Variants in PDGFB observed in about 807,000 individuals in gnomAD.
PDGFB encodes the protein platelet-derived growth factor subunit B.
In PDGFB, 6 loss-of-function variants were observed where a neutral mutation model predicts 29.0. The observed-to-expected ratio is 0.21, with a 90% confidence interval of 0.11 to 0.41. The LOEUF (loss-of-function observed/expected upper bound fraction) is 0.41, where lower values mean the gene tolerates loss of function less well. Ranked by LOEUF, PDGFB falls within the 10% of genes least tolerant of loss-of-function variation. The pLI, the probability that PDGFB is intolerant of heterozygous loss-of-function variation, is 1.00. For synonymous variants in PDGFB, 144 were observed against 140.8 expected (o/e 1.02, Z -0.16); for missense variants, 299 against 341.8 (o/e 0.87, Z 0.99).
intron 2 of PDGFB, among the ~76,000 whole-genome samples, chr22:39,235,237 G>C (rs1185438303): frequency 6.6e-6 from 1 of 152,188 alleles, no homozygotes; most frequent in Non-Finnish European, 1.5e-5. Flanking sequence ...GGTTAGAATA[G>C]AATGGAATTT....
chr22:39,241,866 G>A (rs1303066112), intron 1 of PDGFB, among the ~76,000 whole-genome samples: 2 of 152,152 alleles, frequency 1.3e-5, no homozygotes, highest in Non-Finnish European at 2.9e-5. Flanking sequence ...AAAAAAAGGA[G>A]TCACAGATGG....
In PDGFB at chr22:39,225,708, C is replaced by G; in HGVS notation, c.*15G>C. 6.2e-7 allele frequency: 1 copy of G among 1,612,340 alleles called. No individual in the cohort carries two copies. The highest frequency in any genetic ancestry group is 1.7e-5 in the Admixed American group (1 of 59,934). ...CCTGGCCCTCACCTGCCCACACACTCTCCTGCCGATGCCCCTAGGCTCCAA... is the reference window on the plus strand; with the variant it reads ...CCTGGCCCTCACCTGCCCACACACTGTCCTGCCGATGCCCCTAGGCTCCAA... On this transcript the variant is annotated 3_prime_UTR_variant, in exon 6 of 7. Coordinates refer to ENST00000331163, the MANE Select transcript of PDGFB (RefSeq NM_002608.4).
intron 1 of PDGFB, 46 bp from the exon 2 acceptor site, chr22:39,235,920 T>C: frequency 7.7e-7 from 1 of 1,300,648 alleles, no homozygotes; most frequent in Non-Finnish European, 1.1e-6. Context: ...GAGTGGGGGC[T>C]TTCCAGCATG....
Position 39,231,408 on chromosome 22 carries a change from C to T in PDGFB, c.456+214G>A, listed in dbSNP as rs998261621. Among the ~76,000 whole-genome samples, 3 of 152,118 alleles carry T rather than the reference C, an allele frequency of 2.0e-5. No homozygotes were observed. The highest frequency in any genetic ancestry group is 7.2e-5 in the African/African-American group (3 of 41,412). On this transcript the variant is annotated intron_variant, in intron 4 of 6. Coordinates refer to ENST00000331163, the MANE Select transcript of PDGFB (RefSeq NM_002608.4). This position sits in a 1 kb window ranked among gnomAD's most constrained non-coding sequence, Gnocchi z 4.3. ...TGGCTTTTGGCTACAGTGGCCTGAG[C>T]CACCTCAGAGGACTCATGGTCGGCC...
intron 3 of PDGFB, among the ~76,000 whole-genome samples, chr22:39,232,800 C>T (rs1001102256): frequency 6.6e-6 from 1 of 152,234 alleles, no homozygotes; most frequent in Non-Finnish European, 1.5e-5. Flanking sequence ...GGCCACCTGA[C>T]TCTTATTCAT....
At position 39,242,703 on chromosome 22, in the gene PDGFB, C is replaced by G. The variant is rs556589561; in HGVS notation, c.63+1198G>C. ...GCAGCCCAAGGCCGGGCCGCGGCCT[C>G]CGAGCCCTCCGCCTTAACCCCTTCG... On this transcript the variant is annotated intron_variant, in intron 1 of 6. Coordinates refer to ENST00000331163, the MANE Select transcript of PDGFB (RefSeq NM_002608.4). The surrounding 1 kb of genome is among the most constrained non-coding windows in gnomAD (Gnocchi z 5.7). Among the ~76,000 whole-genome samples, 9 of 152,158 alleles carry G rather than the reference C, an allele frequency of 5.9e-5. No individual in the cohort carries two copies. The East Asian group carries it at 1.7e-3, about 30-fold the overall frequency.
chr22:39,239,416 G>C (rs901846473), intron 1 of PDGFB, among the ~76,000 whole-genome samples: 4 of 152,036 alleles, frequency 2.6e-5, no homozygotes, highest in African/African-American at 9.7e-5. Flanking sequence ...GGGTGAGGGT[G>C]GGGGGACACT....
rs989370043 is a variant in PDGFB, at chr22:39,242,695, C to T, written c.63+1206G>A. On this transcript the variant is annotated intron_variant, in intron 1 of 6. Coordinates refer to ENST00000331163, the MANE Select transcript of PDGFB (RefSeq NM_002608.4). The surrounding 1 kb of genome is among the most constrained non-coding windows in gnomAD (Gnocchi z 5.7). ...CGCTGGCGGCAGCCCAAGGCCGGGCCGCGGCCTCCGAGCCCTCCGCCTTAA... is the reference window on the plus strand; with the variant it reads ...CGCTGGCGGCAGCCCAAGGCCGGGCTGCGGCCTCCGAGCCCTCCGCCTTAA... 6.6e-6 allele frequency among the ~76,000 whole-genome samples: 1 copy of T among 152,010 alleles called. No homozygotes were observed. Among genetic ancestry groups the T allele is most frequent in the African/African-American group, 2.4e-5 (1 of 41,420 alleles).
At chr22:39,234,990 C>G (rs957158503) in intron 2 of PDGFB, among the ~76,000 whole-genome samples, 1 of 152,186 alleles carries the variant, frequency 6.6e-6, no homozygotes, top group African/African-American at 2.4e-5. Flanking sequence ...CCAGCTGGGG[C>G]CCCCTCCTGC....
rs975988490 is a variant in PDGFB, at chr22:39,243,484, G to A, written c.63+417C>T. Among the ~76,000 whole-genome samples the A allele has an allele frequency of 2.0e-5, 3 of 152,174 alleles. No homozygotes were observed. The highest frequency in any genetic ancestry group is 6.5e-5 in the Admixed American group (1 of 15,284). ...CGGTGCGCAAGCTTGCACCTCCTGG[G>A]CAAGCCGATGGCAGGACAGAGCCTA... On this transcript the variant is annotated intron_variant, in intron 1 of 6. Transcript: ENST00000331163. The surrounding 1 kb of genome is among the most constrained non-coding windows in gnomAD (Gnocchi z 6.4).
intron 2 of PDGFB, 106 bp from the exon 3 acceptor site, chr22:39,233,630 G>C: frequency 1.5e-6 from 1 of 671,424 alleles, no homozygotes; most frequent in East Asian, 2.9e-5. Flanking sequence ...CCCCACTCCA[G>C]AGAACAGTCC....
chr22:39,231,685 G>A lies in PDGFB; in HGVS notation c.393C>T (p.Ser131=), dbSNP rs141017878. ...GCACGTTGCGGTTGTTGCAGCAGCC[G>A]GAGCAGCGCTGCACCTCCACACAGG... ...WPPCVEVQRC[S]GCCNNRNVQC... Residue 131 remains serine, a synonymous_variant, in exon 4 of 7, where the codon TCC becomes TCT. Transcript: ENST00000331163. The surrounding 1 kb of genome is among the most constrained non-coding windows in gnomAD (Gnocchi z 4.3). The A allele has an allele frequency of 7.1e-5, 113 of 1,601,258 alleles. 1 individual carries two copies. Among genetic ancestry groups the A allele is most frequent in the Admixed American group, 7.0e-4 (41 of 58,316 alleles).
chr22:39,243,980 G>A lies in PDGFB; in HGVS notation c.-17C>T. The A allele has an allele frequency of 7.5e-7, 1 of 1,338,862 alleles. No individual in the cohort carries two copies. The highest frequency in any genetic ancestry group is 9.9e-7 in the Non-Finnish European group (1 of 1,012,082). The allele number at this position is 1,338,862 out of a possible 1,614,324, so 82.9% of individuals were successfully genotyped here. A position where few individuals can be genotyped will look rare whatever the true frequency, so the allele number is the denominator to read the frequency against. On this transcript the variant is annotated 5_prime_UTR_variant, in exon 1 of 7. Transcript: ENST00000331163. This position sits in a 1 kb window ranked among gnomAD's most constrained non-coding sequence, Gnocchi z 6.4. ...GCGATTCATGCCGACTCCGGGCCCG[G>A]CCCCGCGGGGCCCCGGACGCGTAGA...
intron 1 of PDGFB, among the ~76,000 whole-genome samples, chr22:39,238,642 C>T (rs1480694283): frequency 6.6e-6 from 1 of 152,232 alleles, no homozygotes; most frequent in Non-Finnish European, 1.5e-5. Flanking sequence ...AGAGCTGGGT[C>T]GTTCCCAGGC....
At position 39,243,415 on chromosome 22, in the gene PDGFB, C is replaced by T. The variant is rs371575130; in HGVS notation, c.63+486G>A. ...GTCCACCCGGACCCCGACCGGGAGCCAGGGTGGGACCCGAGCCCCGTCAAA... is the reference window on the plus strand; with the variant it reads ...GTCCACCCGGACCCCGACCGGGAGCTAGGGTGGGACCCGAGCCCCGTCAAA... On this transcript the variant is annotated intron_variant, in intron 1 of 6. Transcript: ENST00000331163. The surrounding 1 kb of genome is among the most constrained non-coding windows in gnomAD (Gnocchi z 6.4). Among the ~76,000 whole-genome samples, 10 of 152,216 alleles carry T rather than the reference C, an allele frequency of 6.6e-5. No individual in the cohort carries two copies. Among genetic ancestry groups the T allele is most frequent in the East Asian group, 5.8e-4 (3 of 5,154 alleles).
At chr22:39,228,865 C>T (rs540983052) in intron 5 of PDGFB, among the ~76,000 whole-genome samples, 2 of 140,326 alleles carry the variant, frequency 1.4e-5, no homozygotes, top group Admixed American at 1.5e-4. Flanking sequence ...CTCCAGACTG[C>T]GTGACAGGGT....
In PDGFB at chr22:39,243,848, G is replaced by T. The variant is rs1800817; in HGVS notation, c.63+53C>A. On this transcript the variant is annotated intron_variant, in intron 1 of 6. Coordinates refer to ENST00000331163, the MANE Select transcript of PDGFB (RefSeq NM_002608.4). This position sits in a 1 kb window ranked among gnomAD's most constrained non-coding sequence, Gnocchi z 6.4. ...GGGAGAGGAGGGGGCGGTCAGAAGG[G>T]GGGGGCGAAGGTAATGAATGAAGAA... 0.73 allele frequency: 1,049,161 copies of T among 1,444,518 alleles called. 382,898 individuals carry two copies. Among genetic ancestry groups the T allele is most frequent in the East Asian group, 0.87 (35,416 of 40,564 alleles). The allele number at this position is 1,444,518 out of a possible 1,614,324, so 89.5% of individuals were successfully genotyped here.
In PDGFB at chr22:39,235,758, G is replaced by A. The variant is rs575538145; in HGVS notation, c.160+20C>T. 2.1e-5 allele frequency: 33 copies of A among 1,574,108 alleles called. No individual in the cohort carries two copies. The highest frequency in any genetic ancestry group is 4.4e-5 in the South Asian group (4 of 90,222). On this transcript the variant is annotated intron_variant, in intron 2 of 6. Coordinates refer to ENST00000331163, the MANE Select transcript of PDGFB (RefSeq NM_002608.4). ...AAGTCTCCTCGGAGGGCCGGAGCGC[G>A]GGGCGAGGATTCCATTTACCTCCGG... is the stretch of plus-strand genomic sequence containing the variant.
chr22:39,229,499 G>A (rs1209641089), intron 5 of PDGFB, among the ~76,000 whole-genome samples: 1 of 152,150 alleles, frequency 6.6e-6, no homozygotes, highest in Non-Finnish European at 1.5e-5. Flanking sequence ...CCCGCTCAAG[G>A]ATACGAGAAA....
Sources: gnomAD v4.1 joint callset for allele counts (sites outside exome capture counted in the v4.1 genomes callset) on GRCh38, gnomAD v4.1.1 for gene constraint, Gnocchi (gnomAD v3.1) non-coding constraint, MANE v1.5 for transcripts, NCBI Gene and HGNC (gene_info 2026-07-23, HGNC 2026-07-21) for gene names.